The following PPP4R3B variants were observed in gnomAD, a reference collection of about 807,000 sequenced individuals.
PPP4R3B encodes serine/threonine-protein phosphatase 4 regulatory subunit 3B.
Under a neutral mutation model 95.4 loss-of-function variants are expected in PPP4R3B, and 52 were observed. That is an observed-to-expected ratio of 0.54 (90% CI 0.44 to 0.69). The LOEUF is 0.69. PPP4R3B is among the 30% of genes least tolerant of loss of function. PPP4R3B has a pLI of 0.00. For synonymous variants in PPP4R3B, 407 were observed against 343.9 expected, an observed-to-expected ratio of 1.18 and a Z score of -2.03; for missense variants, 1,003 against 1,005.9, an observed-to-expected ratio of 1.00 and a Z score of 0.04.
intron 3 of PPP4R3B, among the ~76,000 whole-genome samples, chr2:55,601,141 C>CAA (rs397871165): frequency 6.1e-5 from 6 of 99,112 alleles, no homozygotes; most frequent in African/African-American, 2.0e-4. Context: ...GACCATGTCT[C>CAA]AAAAAAAAAA....
chr2:55,590,002 A>AT (rs1690775172), intron 4 of PPP4R3B, among the ~76,000 whole-genome samples: 1 of 144,828 alleles, frequency 6.9e-6, no homozygotes, highest in South Asian at 2.1e-4. Flanking sequence ...TATATATATA[A>AT]TATATATATA....
intron 2 of PPP4R3B, among the ~76,000 whole-genome samples, chr2:55,611,877 C>T (rs1244562840): frequency 6.6e-6 from 1 of 152,110 alleles, no homozygotes; most frequent in Non-Finnish European, 1.5e-5. Context: ...TATAGCTGCG[C>T]ACCACCACAC....
At chr2:55,588,571 C>A (rs1690510069) in intron 5 of PPP4R3B, among the ~76,000 whole-genome samples, 1 of 151,364 alleles carries the variant, frequency 6.6e-6, no homozygotes, top group East Asian at 1.9e-4. Flanking sequence ...TGTCTGCAAC[C>A]ATAAAAATGT....
rs1184087663 is a variant in PPP4R3B, at chr2:55,548,638, T to A, written c.*1273A>T. 1 of 152,608 alleles carries A rather than the reference T, an allele frequency of 6.6e-6. No individual in the cohort carries two copies. The highest frequency in any genetic ancestry group is 1.9e-4 in the East Asian group (1 of 5,200). 9.5% of individuals were successfully genotyped at this position (152,608 alleles called of 1,614,324 possible). The stretch of plus-strand genomic sequence containing the variant: ...AACGATTCCAGGAAAAATGGACCCG[T>A]AACACATTACAAGGGTGATCTAAAG... On this transcript the variant is annotated 3_prime_UTR_variant, in exon 17 of 17. Transcript: ENST00000616407.
chr2:55,573,620 C>A lies in PPP4R3B; in HGVS notation c.1764G>T (p.Leu588Phe), dbSNP rs547478920. The A allele has an allele frequency of 6.5e-7, 1 of 1,531,602 alleles. No individual in the cohort carries two copies. The highest frequency in any genetic ancestry group is 1.4e-5 in the African/African-American group (1 of 71,732). The allele number at this position is 1,531,602 out of a possible 1,614,324, so 94.9% of individuals were successfully genotyped here. The change falls in exon 12 of 17, where the codon TTG becomes TTT. Residue 588 changes from leucine (L) to phenylalanine (F), a missense_variant and splice_region_variant. Coordinates refer to ENST00000616407, the MANE Select transcript of PPP4R3B (RefSeq NM_001122964.3). ...LMNSKHTFLALCALRFMRRII... is the reference protein window; with the variant it reads ...LMNSKHTFLAFCALRFMRRII... ...CTCCTTAAAACATTTTATACTTACA[C>A]AAGGCCAGAAAAGTGTGCTTTGAAT...
At chr2:55,616,473 A>C (rs141191893) in intron 1 of PPP4R3B, 43 of 152,366 alleles carry the variant, frequency 2.8e-4, no homozygotes, top group African/African-American at 8.4e-4. Context: ...AATTTAAAAT[A>C]CTTCACATGA....
chr2:55,600,254 C>A (rs1293494369), intron 3 of PPP4R3B, among the ~76,000 whole-genome samples: 1 of 151,898 alleles, frequency 6.6e-6, no homozygotes, highest in Non-Finnish European at 1.5e-5. Flanking sequence ...TGGAGAAACC[C>A]TGTCTCTACT....
At chr2:55,609,926 G>C (rs962573679) in intron 2 of PPP4R3B, among the ~76,000 whole-genome samples, 1 of 152,160 alleles carries the variant, frequency 6.6e-6, no homozygotes, top group African/African-American at 2.4e-5. Context: ...ACAGAATCTG[G>C]CGTGGGAAAG....
At chr2:55,579,337 C>T (rs1326068924) in intron 9 of PPP4R3B, among the ~76,000 whole-genome samples, 2 of 151,916 alleles carry the variant, frequency 1.3e-5, no homozygotes, top group African/African-American at 4.8e-5. Flanking sequence ...ACAAATTTGG[C>T]GACAATGCTT....
chr2:55,604,285 C>T (rs1214207792), intron 2 of PPP4R3B, among the ~76,000 whole-genome samples: 1 of 152,032 alleles, frequency 6.6e-6, no homozygotes, highest in Non-Finnish European at 1.5e-5. Flanking sequence ...TTTTTTAAAA[C>T]AAAAAATATT....
Position 55,558,870 on chromosome 2 carries a change from T to C in PPP4R3B, c.2359A>G (p.Asn787Asp). ...SHSASAANGT[N>D]SKSVVAQIPP... ...ATCTGAGCCACTACAGATTTACTGT[T>C]TGTTCCATTAGCAGCACTGGCAGAG... The change falls in exon 16 of 17, where the codon AAC becomes GAC. Residue 787 changes from asparagine to aspartate, a missense_variant. This residue lies in a region of PPP4R3B where 229 missense variants were observed against 194.7 expected (regional missense o/e 1.18). Transcript: ENST00000616407. 1 of 1,614,102 alleles carries C rather than the reference T, an allele frequency of 6.2e-7. No homozygotes were observed. The highest frequency in any genetic ancestry group is 8.5e-7 in the Non-Finnish European group (1 of 1,179,970).
rs1178977633 is a variant in PPP4R3B, at chr2:55,579,728, A to G, written c.1419T>C (p.Val473=). 1 of 1,608,388 alleles carries G rather than the reference A, an allele frequency of 6.2e-7. No homozygotes were observed. Among genetic ancestry groups the G allele is most frequent in the Non-Finnish European group, 8.5e-7 (1 of 1,177,334 alleles). ...TATTGGTCAAAAGTGGTGCTGTGAG[A>G]ACATGCATACAATGGTTGTAGAAAA... ...LNFFYNHCMH[V]LTAPLLTNTS... Residue 473 remains valine (V), a synonymous_variant, in exon 9 of 17, where the codon GTT becomes GTC. Coordinates refer to ENST00000616407, the MANE Select transcript of PPP4R3B (RefSeq NM_001122964.3).
At chr2:55,564,844 T>C (rs1687083221) in intron 14 of PPP4R3B, 58 bp downstream of exon 14, 5 of 1,575,520 alleles carry the variant, frequency 3.2e-6, no homozygotes, top group South Asian at 2.4e-5. Flanking sequence ...AAATCTGAAC[T>C]ACAAACAATT....
At chr2:55,616,896 A>G (rs1357315862) in intron 1 of PPP4R3B, among the ~76,000 whole-genome samples, 1 of 152,080 alleles carries the variant, frequency 6.6e-6, no homozygotes, top group East Asian at 1.9e-4. Context: ...CCCCTCTTCA[A>G]AAGAGGAGGG....
chr2:55,593,406 G>A (rs566176336), intron 4 of PPP4R3B, among the ~76,000 whole-genome samples: 24 of 152,134 alleles, frequency 1.6e-4, no homozygotes, highest in South Asian at 6.2e-4. Context: ...AAGGACCTTC[G>A]TACTACCTCA....
chr2:55,561,974 G>A (rs1468947061), intron 15 of PPP4R3B, among the ~76,000 whole-genome samples: 1 of 152,208 alleles, frequency 6.6e-6, no homozygotes, highest in African/African-American at 2.4e-5. Flanking sequence ...AGGGACCGGG[G>A]TGGAATGATA....
chr2:55,614,493 A>C (rs1446257899), intron 2 of PPP4R3B: 3 of 152,218 alleles, frequency 2.0e-5, no homozygotes, highest in Non-Finnish European at 1.5e-5. Context: ...TGCAGAATAC[A>C]TGTAAGAGTA....
chr2:55,601,191 C>A (rs954812981), intron 3 of PPP4R3B, among the ~76,000 whole-genome samples: 1 of 147,860 alleles, frequency 6.8e-6, no homozygotes, highest in Non-Finnish European at 1.5e-5. Context: ...AGGCTGAAGG[C>A]AAGGGATGAC....
Position 55,588,992 on chromosome 2 carries a change from A to T in PPP4R3B, c.922-36T>A, listed in dbSNP as rs1051547270. On this transcript the variant is annotated intron_variant, in intron 4 of 16. Transcript: ENST00000616407. ...AAAATAATTACTATGAAATATTAACAAAAGAATAAAGTTATACTCATTTAT... is the reference window on the plus strand; with the variant it reads ...AAAATAATTACTATGAAATATTAACTAAAGAATAAAGTTATACTCATTTAT... The T allele has an allele frequency of 3.1e-6, 4 of 1,308,392 alleles. No homozygotes were observed. The African/African-American group carries it at 5.9e-5, about 19-fold the overall frequency. 81.0% of individuals were successfully genotyped at this position (1,308,392 alleles called of 1,614,324 possible).
Sources: gnomAD v4.1 joint callset for allele counts (sites outside exome capture counted in the v4.1 genomes callset) on GRCh38, gnomAD v4.1.1 for gene constraint, gnomAD v4.1.1 regional missense constraint, MANE v1.5 for transcripts, NCBI Gene and HGNC (gene_info 2026-07-23, HGNC 2026-07-21) for gene names.